The following DNMT1 variants were observed in gnomAD, a reference collection of about 807,000 sequenced individuals.
The protein encoded by DNMT1 is DNA methyltransferase 1.
A neutral mutation model predicts 205.3 loss-of-function variants in DNMT1; 24 were observed. The observed-to-expected ratio is 0.12, with a 90% CI of 0.08 to 0.16. The LOEUF is 0.16. Among genes scored for constraint, DNMT1 ranks in the 10% least tolerant of loss-of-function variants. The pLI, the probability that DNMT1 is intolerant of heterozygous loss-of-function variation, is 1.00. For synonymous variants in DNMT1, 817 were observed against 839.8 expected, an observed-to-expected ratio of 0.97 and a Z score of 0.47; for missense variants, 1,293 against 2,177.7, an observed-to-expected ratio of 0.59 and a Z score of 8.09.
intron 39 of DNMT1, among the ~76,000 whole-genome samples, chr19:10,134,515 C>T (rs2089438103): frequency 6.6e-6 from 1 of 152,236 alleles, no homozygotes; most frequent in East Asian, 1.9e-4. Flanking sequence ...CGCCCCACAG[C>T]CACAAGTCAC....
rs762835601 is a variant in DNMT1, at chr19:10,156,440, G to T, written c.1350C>A (p.Phe450Leu). The change falls in exon 18 of 41, where the codon TTC (phenylalanine) becomes TTA (leucine). Residue 450 changes from phenylalanine to leucine, a missense_variant. By Grantham distance (22) the Phe-to-Leu change is conservative (BLOSUM62 0). Transcript: ENST00000359526. This position sits in a 1 kb window ranked among gnomAD's most constrained non-coding sequence, Gnocchi z 4.2. ...TGLIEKNIEL[F>L]FSGSAKPIYD... Reference sequence around the variant, plus strand: ...AGATTGGTTTTGCTGAACCAGAAAAGAAGAGTTCGATATTCTTCTCGATGA... The same window carrying T: ...AGATTGGTTTTGCTGAACCAGAAAATAAGAGTTCGATATTCTTCTCGATGA... 6.2e-7 allele frequency: 1 copy of T among 1,613,262 alleles called. No homozygotes were observed. Among genetic ancestry groups the T allele is most frequent in the Non-Finnish European group, 8.5e-7 (1 of 1,179,510 alleles).
At chr19:10,190,416 C>G (rs1230838518) in intron 1 of DNMT1, among the ~76,000 whole-genome samples, 1 of 152,064 alleles carries the variant, frequency 6.6e-6, no homozygotes, top group Non-Finnish European at 1.5e-5. Context: ...CGACAAAATT[C>G]AACACTCTTT....
intron 11 of DNMT1, among the ~76,000 whole-genome samples, chr19:10,164,926 A>T (rs2038653628): frequency 2.3e-5 from 1 of 43,560 alleles, no homozygotes; most frequent in Non-Finnish European, 4.2e-5. Flanking sequence ...AAAAAAAAAA[A>T]AAAAAAAAAA....
At chr19:10,189,605 G>GA (rs1206155247) in intron 1 of DNMT1, among the ~76,000 whole-genome samples, 3 of 151,338 alleles carry the variant, frequency 2.0e-5, no homozygotes, top group East Asian at 3.9e-4. Context: ...TTTTGAGATG[G>GA]GGGGGGTCTT....
rs2089581423 is a variant in DNMT1, at chr19:10,140,535, A to G, written c.3524-207T>C. ...CAGGCACACACCACCACGCCCAGCT[A>G]ATTTTTGTATTCTTATTAGAGACGG... On this transcript the variant is annotated intron_variant, in intron 32 of 40. Coordinates refer to ENST00000359526, the MANE Select transcript of DNMT1 (RefSeq NM_001130823.3). The surrounding 1 kb of genome is among the most constrained non-coding windows in gnomAD (Gnocchi z 8.4). 1.1e-6 allele frequency: 1 copy of G among 905,214 alleles called. No individual in the cohort carries two copies. Among genetic ancestry groups the G allele is most frequent in the South Asian group, 1.6e-5 (1 of 60,982 alleles). 56.1% of individuals were successfully genotyped at this position (905,214 alleles called of 1,614,324 possible).
At position 10,146,695 on chromosome 19, in the gene DNMT1, CT is replaced by C. The variant is rs1257213903; in HGVS notation, c.2721-172del. 6.6e-6 allele frequency among the ~76,000 whole-genome samples: 1 copy of C among 152,156 alleles called. No individual in the cohort carries two copies. Among genetic ancestry groups the C allele is most frequent in the Non-Finnish European group, 1.5e-5 (1 of 68,036 alleles). On this transcript the variant is annotated intron_variant, in intron 27 of 40. Coordinates refer to ENST00000359526, the MANE Select transcript of DNMT1 (RefSeq NM_001130823.3). This position sits in a 1 kb window ranked among gnomAD's most constrained non-coding sequence, Gnocchi z 4.4. ...GCTTTGTGTTGACATTTTGAAGGCA[CT>C]TATTTGAGACCAAAGCCCAGAGAGA...
intron 6 of DNMT1, among the ~76,000 whole-genome samples, chr19:10,176,464 C>T (rs1472740707): frequency 6.6e-6 from 1 of 152,194 alleles, no homozygotes; most frequent in Non-Finnish European, 1.5e-5. Context: ...GCTTGTTCAC[C>T]ACAAAGGGAA....
At chr19:10,148,356 T>C (rs564303583) in intron 27 of DNMT1, among the ~76,000 whole-genome samples, 95 of 145,768 alleles carry the variant, frequency 6.5e-4, no homozygotes, top group Non-Finnish European at 1.3e-3. Flanking sequence ...ACTAGCCGGG[T>C]GTGGTGGCAG....
chr19:10,154,997 T>C lies in DNMT1; in HGVS notation c.1552A>G (p.Met518Val), dbSNP rs1568234806. ...SPEYAPIFGL[M>V]QEKIYISKIV... The stretch of plus-strand genomic sequence containing the variant: ...TTGCTGATGTAGATCTTCTCCTGCA[T>C]CAGCCCAAATATGGGCGCATACTCG... Residue 518 changes from methionine (M) to valine (V), a missense_variant, in exon 20 of 41, where the codon ATG becomes GTG. By Grantham distance (21) the Met-to-Val change is conservative (BLOSUM62 1). Around this residue, in one of 13 missense-constraint regions of DNMT1, gnomAD observed 120 missense variants for 315.9 expected, o/e 0.38. Coordinates refer to ENST00000359526, the MANE Select transcript of DNMT1 (RefSeq NM_001130823.3). The surrounding 1 kb of genome is among the most constrained non-coding windows in gnomAD (Gnocchi z 6.3). 1.2e-6 allele frequency: 2 copies of C among 1,614,052 alleles called. No individual in the cohort carries two copies. The highest frequency in any genetic ancestry group is 4.5e-5 in the East Asian group (2 of 44,870).
At chr19:10,184,538 C>T (rs566818819) in intron 1 of DNMT1, 3 of 152,256 alleles carry the variant, frequency 2.0e-5, no homozygotes, top group Admixed American at 2.0e-4. Flanking sequence ...GGTGCAGTGC[C>T]GCGGTGCTGC....
chr19:10,141,319 A>C (rs1033391008), intron 30 of DNMT1, 130 bp from the exon 31 acceptor site: 31 of 860,298 alleles, frequency 3.6e-5, no homozygotes, highest in Non-Finnish European at 5.6e-5. Flanking sequence ...ATTAGCCACC[A>C]ATAAGAGTAG....
At position 10,147,972 on chromosome 19, in the gene DNMT1, C is replaced by T. The variant is rs368690555; in HGVS notation, c.2720+912G>A. 4.0e-5 allele frequency among the ~76,000 whole-genome samples: 6 copies of T among 151,218 alleles called. No homozygotes were observed. The South Asian group carries it at 6.3e-4, about 16-fold the overall frequency. On this transcript the variant is annotated intron_variant, in intron 27 of 40. Coordinates refer to ENST00000359526, the MANE Select transcript of DNMT1 (RefSeq NM_001130823.3). ...CTACTAAAAATACAAAAAAAGTAGC[C>T]GGGCATGGTGGCCCATGCTTGTAAT...
At position 10,154,678 on chromosome 19, in the gene DNMT1, A is replaced by G. The variant is rs1211630232; in HGVS notation, c.1740T>C (p.Tyr580=). 3.1e-6 allele frequency: 5 copies of G among 1,614,208 alleles called. No homozygotes were observed. Among genetic ancestry groups the G allele is most frequent in the East Asian group, 4.5e-5 (2 of 44,884 alleles). ...GCTCATCACTGTCCCCGGCCTCGTC[A>G]TAACTCTCCACCTGCTCCACCACAA... ...AQFVVEQVES[Y]DEAGDSDEQP... is the part of the protein sequence containing the mutation. Residue 580 remains tyrosine (Y), a synonymous_variant, in exon 21 of 41, where the codon TAT becomes TAC. Coordinates refer to ENST00000359526, the MANE Select transcript of DNMT1 (RefSeq NM_001130823.3). The surrounding 1 kb of genome is among the most constrained non-coding windows in gnomAD (Gnocchi z 6.3).
Position 10,142,047 on chromosome 19 carries a change from T to C in DNMT1, c.3290A>G (p.Asn1097Ser). The C allele has an allele frequency of 1.2e-6, 2 of 1,612,272 alleles. No individual in the cohort carries two copies. The highest frequency in any genetic ancestry group is 1.7e-6 in the Non-Finnish European group (2 of 1,178,736). ...CVQVYSMGGP[N>S]RFYFLEAYNA... ...CACCACCTCGAGGAAGTAGAAGCGG[T>C]TGGGGCCGCCCATGGAGTACACCTG... Residue 1097 changes from asparagine to serine, a missense_variant, in exon 30 of 41, where the codon AAC (asparagine) becomes AGC (serine). Physicochemically the swap from Asn to Ser is conservative, Grantham distance 46. Coordinates refer to ENST00000359526, the MANE Select transcript of DNMT1 (RefSeq NM_001130823.3).
chr19:10,189,410 C>T (rs1330632663), intron 1 of DNMT1, among the ~76,000 whole-genome samples: 4 of 147,678 alleles, frequency 2.7e-5, no homozygotes, highest in Non-Finnish European at 6.0e-5. Flanking sequence ...CGTGAGCCAC[C>T]ACGCCCAGCT....
intron 11 of DNMT1, among the ~76,000 whole-genome samples, chr19:10,164,839 A>T (rs949863903): frequency 6.9e-6 from 1 of 144,114 alleles, no homozygotes; most frequent in African/African-American, 2.6e-5. Context: ...GAGACAGGAG[A>T]ATCACTTGAA....
rs1599351980 is a variant in DNMT1 at position 10,143,813 on chromosome 19, G to C, written c.3069C>G (p.Gly1023=). 3 of 1,614,150 alleles carry C rather than the reference G, an allele frequency of 1.9e-6. No individual in the cohort carries two copies. Among genetic ancestry groups the C allele is most frequent in the Non-Finnish European group, 2.5e-6 (3 of 1,180,028 alleles). The change falls in exon 29 of 41, where the codon GGC becomes GGG. Residue 1023 remains glycine, a synonymous_variant. Transcript: ENST00000359526. ...TTTTGATGTCAGTCTCATTGGGCCTGCCGTTGCTCTTCTTGGGACAGAAGA... is the reference window on the plus strand; with the variant it reads ...TTTTGATGTCAGTCTCATTGGGCCTCCCGTTGCTCTTCTTGGGACAGAAGA... The part of the protein sequence containing the change: ...KEIFCPKKSN[G]RPNETDIKIR...
chr19:10,149,331 AAAAAAAAAAAC>A, intron 26 of DNMT1, 111 bp downstream of exon 26: 6 of 730,202 alleles, frequency 8.2e-6, no homozygotes, highest in East Asian at 9.0e-5. Flanking sequence ...GTCTCAAAAC[AAAAAAAAAAAC>A]AAAAAAAAAA....
chr19:10,149,931 A>G lies in DNMT1; in HGVS notation c.2303T>C (p.Ile768Thr), dbSNP rs1251285527. The G allele has an allele frequency of 1.9e-6, 3 of 1,614,120 alleles. No homozygotes were observed. Among genetic ancestry groups the G allele is most frequent in the African/African-American group, 2.7e-5 (2 of 74,942 alleles). The change falls in exon 25 of 41, where the codon ATT becomes ACT. Residue 768 changes from isoleucine (I) to threonine (T), a missense_variant. This residue lies in a region of DNMT1 where 197 missense variants were observed against 353.6 expected (regional missense o/e 0.56). Transcript: ENST00000359526. ...CCCCACTTCCAGGGTTTCCGCATCA[A>G]TGCACACCTTCTTATAGTAACTCTT... ...GKKSYYKKVC[I>T]DAETLEVGDC...
Sources: gnomAD v4.1 joint callset for allele counts (sites outside exome capture counted in the v4.1 genomes callset) on GRCh38, gnomAD v4.1.1 for gene constraint, gnomAD v4.1.1 regional missense constraint, Gnocchi (gnomAD v3.1) non-coding constraint, MANE v1.5 for transcripts, NCBI Gene and HGNC (gene_info 2026-07-23, HGNC 2026-07-21) for gene names.